SMAD3: variants seen among roughly 807,000 people sequenced by gnomAD.
The protein encoded by SMAD3 is MAD homolog 3.
Under a neutral mutation model 51.8 loss-of-function variants are expected in SMAD3, and 12 were observed. That is an observed-to-expected ratio of 0.23 (90% CI 0.15 to 0.38). The LOEUF is 0.38. Among genes scored for constraint, SMAD3 ranks in the 10% least tolerant of loss-of-function variants. The probability of loss-of-function intolerance (pLI) is 1.00; values close to 1 mark genes in which losing one functional copy is unlikely to be tolerated. For missense variants in SMAD3, 294 were observed against 565.6 expected (o/e 0.52, Z 4.87); for synonymous variants, 238 against 227.7 (o/e 1.05, Z -0.41).
chr15:67,166,913 C>T, intron 4 of SMAD3, 60 bp downstream of exon 4: 2 of 1,271,128 alleles, frequency 1.6e-6, no homozygotes, highest in South Asian at 2.5e-5. Flanking sequence ...GGGTTCATCC[C>T]TTCCATCCCT....
chr15:67,147,257 G>A (rs1471889184), intron 1 of SMAD3, among the ~76,000 whole-genome samples: 1 of 152,212 alleles, frequency 6.6e-6, no homozygotes, highest in African/African-American at 2.4e-5. Context: ...GCAGTGGACT[G>A]TGGCCCCAAC....
At position 67,065,764 on chromosome 15, in the gene SMAD3, G is replaced by A. The variant is rs1959895908; in HGVS notation, c.-391G>A. The A allele has an allele frequency of 5.0e-6, 1 of 200,156 alleles. No individual in the cohort carries two copies. The highest frequency in any genetic ancestry group is 1.0e-5 in the Non-Finnish European group (1 of 96,696). The allele number at this position is 200,156 out of a possible 1,614,324, so 12.4% of individuals were successfully genotyped here. On this transcript the variant is annotated 5_prime_UTR_variant, in exon 1 of 9. Transcript: ENST00000327367. ...CATCAAAGCTAGCGAGGCGAGCGAAGTTTGGCCGGGGGTTGGACTTTCCTT... is the reference window on the plus strand; with the variant it reads ...CATCAAAGCTAGCGAGGCGAGCGAAATTTGGCCGGGGGTTGGACTTTCCTT...
chr15:67,175,793 T>A (rs756908248), intron 5 of SMAD3, among the ~76,000 whole-genome samples: 15 of 152,084 alleles, frequency 9.9e-5, no homozygotes, highest in Non-Finnish European at 1.8e-4. Flanking sequence ...CAGCCCTGAG[T>A]GTGGACGGCG....
At chr15:67,149,005 TG>T (rs1418597799) in intron 1 of SMAD3, among the ~76,000 whole-genome samples, 1 of 152,110 alleles carries the variant, frequency 6.6e-6, no homozygotes, top group Non-Finnish European at 1.5e-5. Flanking sequence ...AGGCCTTTGG[TG>T]CTAAATGATG....
intron 1 of SMAD3, among the ~76,000 whole-genome samples, chr15:67,092,633 G>T (rs1036896702): frequency 6.6e-6 from 1 of 152,224 alleles, no homozygotes; most frequent in Non-Finnish European, 1.5e-5. Flanking sequence ...CTGGGGGCAG[G>T]ATACTGAGGA....
At chr15:67,177,470 T>A (rs1962936395) in intron 5 of SMAD3, among the ~76,000 whole-genome samples, 1 of 146,924 alleles carries the variant, frequency 6.8e-6, no homozygotes, top group Non-Finnish European at 1.5e-5. Flanking sequence ...TCCCCCAGGC[T>A]GGAGTGCAGT....
chr15:67,098,698 G>A (rs1960675551), intron 1 of SMAD3: 1 of 575,902 alleles, frequency 1.7e-6, no homozygotes, highest in Admixed American at 3.0e-5. Flanking sequence ...TTCGGGAGTT[G>A]GGAGAGAACT....
intron 1 of SMAD3, 43 bp downstream of exon 1, chr15:67,066,403 G>GC (rs1214545593): frequency 1.3e-6 from 2 of 1,555,000 alleles, no homozygotes; most frequent in Non-Finnish European, 1.8e-6. Flanking sequence ...CGCCGGCCCA[G>GC]CCCCCTGGCA....
chr15:67,096,022 C>T (rs1960607813), intron 1 of SMAD3, among the ~76,000 whole-genome samples: 2 of 152,222 alleles, frequency 1.3e-5, no homozygotes. Flanking sequence ...TGAGATGTCA[C>T]ATCTGCGACT....
At chr15:67,104,111 A>G (rs1960823301) in intron 1 of SMAD3, among the ~76,000 whole-genome samples, 1 of 152,090 alleles carries the variant, frequency 6.6e-6, no homozygotes, top group Non-Finnish European at 1.5e-5. Flanking sequence ...GAAGACAGAT[A>G]AGATCGGATT....
chr15:67,078,850 G>A (rs1478787111), intron 1 of SMAD3, among the ~76,000 whole-genome samples: 1 of 152,140 alleles, frequency 6.6e-6, no homozygotes, highest in Non-Finnish European at 1.5e-5. Context: ...TTCCTCATCA[G>A]TAAAATGGGA....
chr15:67,132,379 C>G (rs1314333305), intron 1 of SMAD3, among the ~76,000 whole-genome samples: 1 of 152,188 alleles, frequency 6.6e-6, no homozygotes, highest in Non-Finnish European at 1.5e-5. Context: ...TGCCCCATCT[C>G]CACCCCGGGA....
intron 5 of SMAD3, among the ~76,000 whole-genome samples, chr15:67,172,912 G>A (rs1231153344): frequency 6.6e-6 from 1 of 152,136 alleles, no homozygotes; most frequent in Admixed American, 6.6e-5. Flanking sequence ...TGGCTCCCGG[G>A]GGGAAGCCCT....
chr15:67,107,529 C>T (rs1264671837), intron 1 of SMAD3, among the ~76,000 whole-genome samples: 2 of 152,204 alleles, frequency 1.3e-5, no homozygotes, highest in Non-Finnish European at 2.9e-5. Context: ...AGATGAAGTC[C>T]GTCATTCGGC....
At chr15:67,143,759 T>C (rs1961897276) in intron 1 of SMAD3, among the ~76,000 whole-genome samples, 1 of 152,186 alleles carries the variant, frequency 6.6e-6, no homozygotes, top group South Asian at 2.1e-4. Context: ...TTTTTGTTTT[T>C]TGAGATGGAG....
intron 1 of SMAD3, among the ~76,000 whole-genome samples, chr15:67,079,054 C>G (rs1391858793): frequency 6.6e-6 from 1 of 151,850 alleles, no homozygotes; most frequent in Non-Finnish European, 1.5e-5. Context: ...TCTTGGCTCA[C>G]GGCAACCTCT....
chr15:67,065,658 C>G lies in SMAD3; in HGVS notation c.-497C>G, dbSNP rs1460954391. Among the ~76,000 whole-genome samples the G allele has an allele frequency of 4.0e-5, 6 of 151,546 alleles. No individual in the cohort carries two copies. The highest frequency in any genetic ancestry group is 6.6e-5 in the Admixed American group (1 of 15,252). On this transcript the variant is annotated 5_prime_UTR_variant, in exon 1 of 9. Coordinates refer to ENST00000327367, the MANE Select transcript of SMAD3 (RefSeq NM_005902.4). ...AGCGCGGCGCACGCCCCGGGCCGGCCCAGCCAGCGAGCGAGCGAGCGGCGA... is the reference window on the plus strand; with the variant it reads ...AGCGCGGCGCACGCCCCGGGCCGGCGCAGCCAGCGAGCGAGCGAGCGGCGA...
chr15:67,155,545 CT>C (rs1226937137), intron 1 of SMAD3, among the ~76,000 whole-genome samples: 1 of 152,178 alleles, frequency 6.6e-6, no homozygotes, highest in Admixed American at 6.5e-5. Context: ...TGCAAGGAGA[CT>C]TTCAAGCCAC....
chr15:67,095,372 G>T (rs1040831627), intron 1 of SMAD3, among the ~76,000 whole-genome samples: 3 of 152,106 alleles, frequency 2.0e-5, no homozygotes, highest in Admixed American at 2.0e-4. Flanking sequence ...TTGGCTTTGG[G>T]TGAACTGGCC....
Sources: gnomAD v4.1 joint callset for allele counts (sites outside exome capture counted in the v4.1 genomes callset) on GRCh38, gnomAD v4.1.1 for gene constraint, MANE v1.5 for transcripts, NCBI Gene and HGNC (gene_info 2026-07-23, HGNC 2026-07-21) for gene names.